ZFHX4: variants seen among roughly 807,000 people sequenced by gnomAD.
ZFHX4 encodes the protein zinc finger homeobox 4, also known as zinc finger homeobox protein 4.
ZFHX4 carries 56 observed loss-of-function variants against 267.6 expected under a neutral mutation model. That is an observed-to-expected ratio of 0.21 (90% CI 0.17 to 0.26). The LOEUF (loss-of-function observed/expected upper bound fraction) is 0.26. ZFHX4 is among the 10% of genes least tolerant of loss of function. The pLI is 1.00. For missense variants in ZFHX4, 4,332 were observed against 4,420.0 expected (o/e 0.98, Z 0.56); for synonymous variants, 1,778 against 1,665.6 (o/e 1.07, Z -1.64).
chr8:76,774,445 C>T (rs1176201840), intron 3 of ZFHX4, among the ~76,000 whole-genome samples: 1 of 152,122 alleles, frequency 6.6e-6, no homozygotes, highest in African/African-American at 2.4e-5. Context: ...TTCAGGTTTA[C>T]TCTAATTTAG....
chr8:76,800,416 C>T (rs561498561), intron 4 of ZFHX4, among the ~76,000 whole-genome samples: 6 of 152,192 alleles, frequency 3.9e-5, no homozygotes, highest in South Asian at 2.1e-4. Context: ...ACCTCAGGAG[C>T]GAACTGAAAG....
intron 3 of ZFHX4, among the ~76,000 whole-genome samples, chr8:76,749,410 G>A (rs145047569): frequency 6.6e-6 from 1 of 152,114 alleles, no homozygotes; most frequent in East Asian, 1.9e-4. Flanking sequence ...GAATTCTTAA[G>A]TTTCTTCAGA....
intron 4 of ZFHX4, among the ~76,000 whole-genome samples, chr8:76,798,180 G>A (rs1463675980): frequency 6.6e-6 from 1 of 152,056 alleles, no homozygotes; most frequent in Non-Finnish European, 1.5e-5. Context: ...CCTTCACTGT[G>A]GTTCAGTAAT....
chr8:76,780,033 T>A, intron 4 of ZFHX4, among the ~76,000 whole-genome samples: 1 of 149,206 alleles, frequency 6.7e-6, no homozygotes, highest in Admixed American at 6.7e-5. Context: ...CAAATGATTA[T>A]CCACCAAGGA....
intron 3 of ZFHX4, among the ~76,000 whole-genome samples, chr8:76,775,489 CTT>C (rs923940668): frequency 1.4e-4 from 22 of 152,292 alleles, no homozygotes; most frequent in South Asian, 2.1e-4. Flanking sequence ...TTAATTAAAA[CTT>C]AAGACATTTC....
chr8:76,830,417 A>G (rs1169695280), intron 4 of ZFHX4, among the ~76,000 whole-genome samples: 5 of 152,196 alleles, frequency 3.3e-5, no homozygotes, highest in Admixed American at 3.3e-4. Context: ...AGCAAAAGAG[A>G]CAAATCGTGT....
At chr8:76,803,685 T>C (rs1811175375) in intron 4 of ZFHX4, among the ~76,000 whole-genome samples, 1 of 152,072 alleles carries the variant, frequency 6.6e-6, no homozygotes, top group South Asian at 2.1e-4. Flanking sequence ...TGATTTAATA[T>C]AAGCCACCAA....
At chr8:76,745,003 T>C (rs1162610201) in intron 3 of ZFHX4, among the ~76,000 whole-genome samples, 1 of 152,114 alleles carries the variant, frequency 6.6e-6, no homozygotes, top group Admixed American at 6.5e-5. Context: ...AATTGCTGCT[T>C]TCTCCACTCC....
chr8:76,765,009 G>A (rs896381731), intron 3 of ZFHX4, among the ~76,000 whole-genome samples: 1 of 152,066 alleles, frequency 6.6e-6, no homozygotes, highest in Admixed American at 6.6e-5. Flanking sequence ...CAACTTTCAG[G>A]CACCATCTCA....
chr8:76,852,072 C>A lies in ZFHX4; in HGVS notation c.5151C>A (p.Ala1717=). 6.2e-7 allele frequency: 1 copy of A among 1,613,968 alleles called. No homozygotes were observed. The highest frequency in any genetic ancestry group is 2.2e-5 in the East Asian group (1 of 44,874). Residue 1717 remains alanine, a synonymous_variant, in exon 10 of 11, where the codon GCC becomes GCA. Transcript: ENST00000651372. ...AFFQPQFLNP[A]FLPHFPMTPE... ...TTCAGCCTCAGTTTCTAAACCCAGC[C>A]TTTTTGCCTCATTTTCCTATGACCC...
At chr8:76,787,159 A>G (rs1353273624) in intron 4 of ZFHX4, among the ~76,000 whole-genome samples, 2 of 152,214 alleles carry the variant, frequency 1.3e-5, no homozygotes, top group African/African-American at 2.4e-5. Context: ...ATACTGTCAC[A>G]TGAGTCCCCA....
chr8:76,806,094 C>G (rs933282285), intron 4 of ZFHX4, among the ~76,000 whole-genome samples: 2 of 152,056 alleles, frequency 1.3e-5, no homozygotes, highest in African/African-American at 4.8e-5. Context: ...CTGGGTTTGC[C>G]TTTTAGGCAT....
At chr8:76,717,111 G>T (rs1808596606) in intron 3 of ZFHX4, among the ~76,000 whole-genome samples, 1 of 151,950 alleles carries the variant, frequency 6.6e-6, no homozygotes, top group South Asian at 2.1e-4. Flanking sequence ...TCCTTCTCCT[G>T]GTTTCCTTAC....
intron 3 of ZFHX4, among the ~76,000 whole-genome samples, chr8:76,709,236 C>T (rs1400420030): frequency 1.3e-5 from 2 of 151,586 alleles, no homozygotes; most frequent in Non-Finnish European, 2.9e-5. Flanking sequence ...ATGTACTGTG[C>T]ATAAAATCCT....
intron 4 of ZFHX4, among the ~76,000 whole-genome samples, chr8:76,816,432 C>T (rs531849094): frequency 2.6e-5 from 4 of 152,210 alleles, no homozygotes; most frequent in African/African-American, 7.2e-5. Context: ...TATCACTTCT[C>T]ATAATAGTGG....
chr8:76,700,903 A>C (rs548547398), intron 1 of ZFHX4, among the ~76,000 whole-genome samples: 3 of 152,158 alleles, frequency 2.0e-5, no homozygotes, highest in Non-Finnish European at 4.4e-5. Flanking sequence ...ATGGTGAAGG[A>C]ACTTTTATAG....
At chr8:76,833,031 C>A (rs71529280) in intron 4 of ZFHX4, among the ~76,000 whole-genome samples, 1,856 of 152,236 alleles carry the variant, frequency 0.012, 21 homozygotes, top group Non-Finnish European at 0.019. Flanking sequence ...AATCCTATAA[C>A]ATATAGGCTT....
chr8:76,752,660 G>T (rs536414880), intron 3 of ZFHX4, among the ~76,000 whole-genome samples: 1 of 152,030 alleles, frequency 6.6e-6, no homozygotes, highest in African/African-American at 2.4e-5. Flanking sequence ...GATAAAGTGA[G>T]ACTCTGTCTC....
chr8:76,863,105 C>A lies in ZFHX4; in HGVS notation c.9391C>A (p.Pro3131Thr). The change falls in exon 11 of 11, where the codon CCC becomes ACC. Residue 3131 changes from proline to threonine, a missense_variant. Physicochemically the swap from Pro to Thr is conservative, Grantham distance 38 (BLOSUM62 -1). Around this residue, in one of 7 missense-constraint regions of ZFHX4, gnomAD observed 1,648 missense variants for 1,625.0 expected, o/e 1.01. Coordinates refer to ENST00000651372, the MANE Select transcript of ZFHX4 (RefSeq NM_024721.5). ...FPQNSNTLTPPGAGMLGFPTS... is the reference protein window; with the variant it reads ...FPQNSNTLTPTGAGMLGFPTS... The stretch of plus-strand genomic sequence containing the variant: ...GTTGTTGTTTTCAGCTTTAACACCT[C>A]CCGGTGCAGGCATGCTTGGGTTTCC... The A allele has an allele frequency of 6.6e-7, 1 of 1,516,444 alleles. No individual in the cohort carries two copies. Among genetic ancestry groups the A allele is most frequent in the South Asian group, 1.3e-5 (1 of 76,556 alleles). 93.9% of individuals were successfully genotyped at this position (1,516,444 alleles called of 1,614,324 possible). A position where few individuals can be genotyped will look rare whatever the true frequency, so the allele number is the denominator to read the frequency against.
Sources: gnomAD v4.1 joint callset for allele counts (sites outside exome capture counted in the v4.1 genomes callset) on GRCh38, gnomAD v4.1.1 for gene constraint, gnomAD v4.1.1 regional missense constraint, MANE v1.5 for transcripts, NCBI Gene and HGNC (gene_info 2026-07-23, HGNC 2026-07-21) for gene names.